The following ZNF606 variants were observed in gnomAD, a reference collection of about 807,000 sequenced individuals.
ZNF606 encodes the protein zinc finger protein 328.
A neutral mutation model predicts 74.9 loss-of-function variants in ZNF606; 37 were observed. The observed-to-expected ratio is 0.49, with a 90% confidence interval of 0.38 to 0.65. The LOEUF (loss-of-function observed/expected upper bound fraction) is 0.65. Among genes scored for constraint, ZNF606 ranks in the 30% least tolerant of loss-of-function variants. The probability of loss-of-function intolerance (pLI) is 0.00; values close to 1 mark genes in which losing one functional copy is unlikely to be tolerated. For synonymous variants in ZNF606, 328 were observed against 312.4 expected, an observed-to-expected ratio of 1.05 and a Z score of -0.53; for missense variants, 852 against 952.9, an observed-to-expected ratio of 0.89 and a Z score of 1.39.
intron 3 of ZNF606, chr19:58,000,101 G>A (rs1015510872): frequency 1.8e-6 from 1 of 566,822 alleles, no homozygotes; most frequent in Non-Finnish European, 3.1e-6. Flanking sequence ...CCCCCCCTGT[G>A]CTATTGGGTA....
Position 57,979,401 on chromosome 19 carries a change from G to A in ZNF606, c.1279C>T (p.Pro427Ser), listed in dbSNP as rs199975943. The change falls in exon 7 of 7, where the codon CCC becomes TCC. Residue 427 changes from proline (P) to serine (S), a missense_variant. By Grantham distance (74) the Pro-to-Ser change is moderately conservative. Coordinates refer to ENST00000551380, the MANE Select transcript of ZNF606 (RefSeq NM_001348022.3). ...TTTCCACATTTATCACATTCATAGG[G>A]TTTTTCTCCAGTATGAGTTTTCTTA... Reference protein sequence around the residue: ...QHKKTHTGEKPYECDKCGKVF... With the variant: ...QHKKTHTGEKSYECDKCGKVF... 58 of 1,613,616 alleles carry A rather than the reference G, an allele frequency of 3.6e-5. No individual in the cohort carries two copies. Among genetic ancestry groups the A allele is most frequent in the Non-Finnish European group, 4.4e-5 (52 of 1,179,914 alleles).
intron 4 of ZNF606, among the ~76,000 whole-genome samples, chr19:57,994,108 G>C (rs2073300885): frequency 1.3e-5 from 2 of 152,172 alleles, no homozygotes; most frequent in Admixed American, 6.5e-5. Context: ...TCTCAGACCA[G>C]AGTGATTTCA....
chr19:57,990,521 T>C (rs968652537), intron 4 of ZNF606, among the ~76,000 whole-genome samples: 6 of 115,700 alleles, frequency 5.2e-5, no homozygotes, highest in African/African-American at 2.1e-4. Flanking sequence ...AACTGGGCAG[T>C]AGAGCAAAAC....
chr19:57,977,829 T>C lies in ZNF606; in HGVS notation c.*472A>G, dbSNP rs1349474198. ...CCTGGGCACCCAGACCCTCCCCTTA[T>C]AACAACAAAATCTGTATTTCTACAA... On this transcript the variant is annotated 3_prime_UTR_variant, in exon 7 of 7. Transcript: ENST00000551380. The C allele has an allele frequency of 6.5e-6, 1 of 152,884 alleles. No homozygotes were observed. The highest frequency in any genetic ancestry group is 1.5e-5 in the Non-Finnish European group (1 of 68,540). The allele number at this position is 152,884 out of a possible 1,614,324, so 9.5% of individuals were successfully genotyped here.
chr19:57,995,151 C>T (rs890891233), intron 4 of ZNF606, among the ~76,000 whole-genome samples: 14 of 146,190 alleles, frequency 9.6e-5, no homozygotes, highest in African/African-American at 3.6e-4. Context: ...GATGGCACCA[C>T]TGCACTGCAG....
chr19:57,986,210 G>A (rs2123290153), intron 6 of ZNF606, among the ~76,000 whole-genome samples: 1 of 152,254 alleles, frequency 6.6e-6, no homozygotes, highest in South Asian at 2.1e-4. Flanking sequence ...ATGCTGGCTG[G>A]GGATAGTGAC....
rs1451411789 is a variant in ZNF606, at chr19:57,996,437, C to G, written c.177+3371G>C. ...AATCCCTTGAACCCGGGAGGGGAGG[C>G]TGCATCAAGCCAAGATCGTCCCACT... On this transcript the variant is annotated intron_variant, in intron 4 of 6. Transcript: ENST00000551380. 2.0e-5 allele frequency among the ~76,000 whole-genome samples: 3 copies of G among 152,142 alleles called. No homozygotes were observed. The South Asian group carries it at 6.2e-4, about 32-fold the overall frequency.
Position 57,978,307 on chromosome 19 carries a change from C to G in ZNF606, c.2373G>C (p.Leu791=). 6.4e-7 allele frequency: 1 copy of G among 1,555,760 alleles called. No individual in the cohort carries two copies. The highest frequency in any genetic ancestry group is 2.0e-5 in the Admixed American group (1 of 49,108). Residue 791 remains leucine, a synonymous_variant, in exon 7 of 7, where the codon CTG becomes CTC. Transcript: ENST00000551380. This position sits in a 1 kb window ranked among gnomAD's most constrained non-coding sequence, Gnocchi z 4.4. ...QHQRNHSEEK[L]N Reference sequence around the variant, plus strand: ...ACGAAAAACTCGCATAAATTCAATTCAGTTTCTCTTCACTGTGATTTCTCT... The same window carrying G: ...ACGAAAAACTCGCATAAATTCAATTGAGTTTCTCTTCACTGTGATTTCTCT...
chr19:58,001,747 G>A (rs1303886623), intron 1 of ZNF606, among the ~76,000 whole-genome samples: 1 of 152,178 alleles, frequency 6.6e-6, no homozygotes, highest in Admixed American at 6.5e-5. Flanking sequence ...CTGCTTAAGG[G>A]GAACAAGGGT....
Position 57,979,999 on chromosome 19 carries a change from T to C in ZNF606, c.681A>G (p.Pro227=), listed in dbSNP as rs911429142. Residue 227 remains proline (P), a synonymous_variant, in exon 7 of 7, where the codon CCA becomes CCG. Coordinates refer to ENST00000551380, the MANE Select transcript of ZNF606 (RefSeq NM_001348022.3). ...AEFSQNLNFV[P]SQRVSQIEHF... is the part of the protein sequence containing the mutation. ...GTTCTATCTGAGAAACTCTCTGAGATGGAACAAAGTTTAAGTTCTGGCTAA... is the reference window on the plus strand; with the variant it reads ...GTTCTATCTGAGAAACTCTCTGAGACGGAACAAAGTTTAAGTTCTGGCTAA... 1.4e-5 allele frequency: 22 copies of C among 1,613,668 alleles called. No homozygotes were observed. Among genetic ancestry groups the C allele is most frequent in the Admixed American group, 1.2e-4 (7 of 60,006 alleles).
chr19:57,983,749 ACAGACTGACT>A (rs2073124792), intron 6 of ZNF606, among the ~76,000 whole-genome samples: 2 of 152,220 alleles, frequency 1.3e-5, no homozygotes, highest in East Asian at 3.8e-4. Context: ...CGACCTGGGT[ACAGACTGACT>A]AGTCACTCAG....
Position 58,002,760 on chromosome 19 carries a change from A to C in ZNF606, c.-416T>G, listed in dbSNP as rs1393032404. 4 of 454,206 alleles carry C rather than the reference A, an allele frequency of 8.8e-6. No individual in the cohort carries two copies. Among genetic ancestry groups the C allele is most frequent in the Non-Finnish European group, 1.8e-5 (4 of 226,132 alleles). 28.1% of individuals were successfully genotyped at this position (454,206 alleles called of 1,614,324 possible). ...AGCCCCGCAGCTACGGCGGCCCCAC[A>C]GCCTGAGCAAAGGCCTCACCTCAGC... On this transcript the variant is annotated 5_prime_UTR_variant, in exon 1 of 7. Coordinates refer to ENST00000551380, the MANE Select transcript of ZNF606 (RefSeq NM_001348022.3).
At chr19:58,000,100 T>C (rs1428138027) in intron 3 of ZNF606, 1 of 566,700 alleles carries the variant, frequency 1.8e-6, no homozygotes. Context: ...GCCCCCCCTG[T>C]GCTATTGGGT....
At chr19:58,002,998 TC>T, upstream of ZNF606, 1 of 454,358 alleles carries the variant, frequency 2.2e-6, no homozygotes, top group Non-Finnish European at 4.4e-6. Flanking sequence ...GTTGTCCCGG[TC>T]CCAGACCACC....
intron 6 of ZNF606, among the ~76,000 whole-genome samples, chr19:57,980,495 A>C (rs2073068750): frequency 6.6e-6 from 1 of 152,212 alleles, no homozygotes; most frequent in South Asian, 2.1e-4. Flanking sequence ...AAAACTAATG[A>C]AACCATTTAA....
In ZNF606 at chr19:58,000,707, C is replaced by T. The variant is rs773535260; in HGVS notation, c.64G>A (p.Ala22Thr). The change falls in exon 3 of 7, where the codon GCT (alanine) becomes ACT (threonine). Residue 22 changes from alanine to threonine, a missense_variant. This residue lies in a region of ZNF606 where 545 missense variants were observed against 542.5 expected (regional missense o/e 1.00). Transcript: ENST00000551380. ...ALTDQSWGMT[A>T]VDPWASWALC... ...CCCCAGGAGGCCCATGGGTCAACAGCTGTCATCCCCCAAGATTGGTCCGTA... is the reference window on the plus strand; with the variant it reads ...CCCCAGGAGGCCCATGGGTCAACAGTTGTCATCCCCCAAGATTGGTCCGTA... 1 of 1,611,574 alleles carries T rather than the reference C, an allele frequency of 6.2e-7. No individual in the cohort carries two copies. Among genetic ancestry groups the T allele is most frequent in the Non-Finnish European group, 8.5e-7 (1 of 1,178,728 alleles).
Position 58,001,347 on chromosome 19 carries a change from C to A in ZNF606, c.-28G>T, listed in dbSNP as rs777059783. ...CGAGGACTGATTGACCAGGCACCTG[C>A]CCAGGAACACAGCAAATCCCAACCT... On this transcript the variant is annotated 5_prime_UTR_variant, in exon 2 of 7. Transcript: ENST00000551380. 4.3e-6 allele frequency: 7 copies of A among 1,614,050 alleles called. No homozygotes were observed. The highest frequency in any genetic ancestry group is 5.9e-6 in the Non-Finnish European group (7 of 1,179,980).
chr19:57,997,201 C>G (rs1031849944), intron 4 of ZNF606, among the ~76,000 whole-genome samples: 1 of 152,174 alleles, frequency 6.6e-6, no homozygotes, highest in Non-Finnish European at 1.5e-5. Context: ...GGACTGTTAA[C>G]AGAGGGGTTT....
chr19:57,980,706 G>A (rs910576083), intron 6 of ZNF606, among the ~76,000 whole-genome samples: 4 of 152,010 alleles, frequency 2.6e-5, no homozygotes, highest in African/African-American at 4.8e-5. Flanking sequence ...GTGGTGGCGG[G>A]TGCCTGTAGT....
Sources: gnomAD v4.1 joint callset for allele counts (sites outside exome capture counted in the v4.1 genomes callset) on GRCh38, gnomAD v4.1.1 for gene constraint, gnomAD v4.1.1 regional missense constraint, Gnocchi (gnomAD v3.1) non-coding constraint, MANE v1.5 for transcripts, NCBI Gene and HGNC (gene_info 2026-07-23, HGNC 2026-07-21) for gene names.